Variants in MFAP3L observed in about 807,000 individuals in gnomAD.
MFAP3L encodes the protein microfibril associated protein 3 like.
MFAP3L carries 5 observed loss-of-function variants against 20.0 expected under a neutral mutation model. The observed-to-expected ratio is 0.25, with a 90% CI of 0.13 to 0.53. The LOEUF is 0.53. Among genes scored for constraint, MFAP3L ranks in the 20% least tolerant of loss-of-function variants. The pLI, the probability that MFAP3L is intolerant of heterozygous loss-of-function variation, is 0.96. For synonymous variants in MFAP3L, 219 were observed against 213.0 expected, an observed-to-expected ratio of 1.03 and a Z score of -0.25; for missense variants, 409 against 527.5, an observed-to-expected ratio of 0.78 and a Z score of 2.20.
At chr4:170,013,815 T>A (rs1739532632) in intron 1 of MFAP3L, among the ~76,000 whole-genome samples, 1 of 152,212 alleles carries the variant, frequency 6.6e-6, no homozygotes, top group African/African-American at 2.4e-5. Context: ...TAAGATAGCA[T>A]CTCACTGTTA....
chr4:170,023,618 CT>C, intron 1 of MFAP3L, among the ~76,000 whole-genome samples: 1 of 152,302 alleles, frequency 6.6e-6, no homozygotes, highest in South Asian at 2.1e-4. Flanking sequence ...TTTAAGTGTC[CT>C]CCTGGCCTTG....
chr4:170,012,987 G>A (rs1028098735), intron 1 of MFAP3L, among the ~76,000 whole-genome samples: 1 of 151,858 alleles, frequency 6.6e-6, no homozygotes, highest in Non-Finnish European at 1.5e-5. Flanking sequence ...CAGAAGGCAC[G>A]TACTTTTTCA....
At chr4:170,012,010 G>A (rs1247406237) in intron 1 of MFAP3L, among the ~76,000 whole-genome samples, 1 of 152,156 alleles carries the variant, frequency 6.6e-6, no homozygotes, top group African/African-American at 2.4e-5. Context: ...GAAGTAGGTT[G>A]GAAAGGCAGG....
chr4:170,007,550 T>C (rs1739124100), intron 1 of MFAP3L, among the ~76,000 whole-genome samples: 1 of 152,240 alleles, frequency 6.6e-6, no homozygotes, highest in Non-Finnish European at 1.5e-5. Context: ...GCTGCCTTGA[T>C]AAACAAGAAT....
chr4:170,022,079 T>C (rs938314515), intron 1 of MFAP3L, among the ~76,000 whole-genome samples: 2 of 152,228 alleles, frequency 1.3e-5, no homozygotes, highest in African/African-American at 4.8e-5. Context: ...GAACAGCTGA[T>C]TACTGTTAGA....
In MFAP3L at chr4:169,988,283, T is replaced by C. The variant is rs916678459; in HGVS notation, c.*3095A>G. 5 of 152,286 alleles carry C rather than the reference T, an allele frequency of 3.3e-5. No homozygotes were observed. In the South Asian group the frequency reaches 1.0e-3, roughly 32 times the overall value. 9.4% of individuals were successfully genotyped at this position (152,286 alleles called of 1,614,324 possible). A position where few individuals can be genotyped will look rare whatever the true frequency, so the allele number is the denominator to read the frequency against. On this transcript the variant is annotated 3_prime_UTR_variant, in exon 3 of 3. Coordinates refer to ENST00000361618, the MANE Select transcript of MFAP3L (RefSeq NM_021647.8). ...CAAAACCATTATAAATTACATAGAT[T>C]TTTCCATATAAAATTGTTTTCCCCA...
chr4:170,027,015 CCTGGTGA>C (rs1178405098), upstream of MFAP3L: 2 of 152,142 alleles, frequency 1.3e-5, no homozygotes, highest in African/African-American at 2.4e-5. Flanking sequence ...CGGGCCGTTC[CCTGGTGA>C]CTTTCTGAGT....
At chr4:169,993,282 C>T (rs1327611400) in intron 2 of MFAP3L, among the ~76,000 whole-genome samples, 1 of 152,202 alleles carries the variant, frequency 6.6e-6, no homozygotes, top group East Asian at 1.9e-4. Flanking sequence ...CTGGACTGTC[C>T]CATAGAGCAA....
At position 170,005,956 on chromosome 4, in the gene MFAP3L, C is replaced by T; in HGVS notation, c.-79G>A. 1 of 1,523,544 alleles carries T rather than the reference C, an allele frequency of 6.6e-7. No homozygotes were observed. The highest frequency in any genetic ancestry group is 8.8e-7 in the Non-Finnish European group (1 of 1,133,438). The allele number at this position is 1,523,544 out of a possible 1,614,324, so 94.4% of individuals were successfully genotyped here. On this transcript the variant is annotated 5_prime_UTR_variant, in exon 2 of 3. Coordinates refer to ENST00000361618, the MANE Select transcript of MFAP3L (RefSeq NM_021647.8). ...CTATCAGACAACACACTGTTCACAG[C>T]AGGTCATGGGACAAACCTGTCCTGG...
In MFAP3L at chr4:169,991,139, C is replaced by T. The variant is rs1737630595; in HGVS notation, c.*239G>A. ...GAGATCAGCCTCTGAAACTCATTAT[C>T]ACATAGACACCTTCTGTCTGGTATC... On this transcript the variant is annotated 3_prime_UTR_variant, in exon 3 of 3. Coordinates refer to ENST00000361618, the MANE Select transcript of MFAP3L (RefSeq NM_021647.8). The surrounding 1 kb of genome is among the most constrained non-coding windows in gnomAD (Gnocchi z 4.9). 1.8e-5 allele frequency: 10 copies of T among 543,928 alleles called. No individual in the cohort carries two copies. The South Asian group carries it at 2.7e-4, about 15-fold the overall frequency. The allele number at this position is 543,928 out of a possible 1,614,324, so 33.7% of individuals were successfully genotyped here. A position where few individuals can be genotyped will look rare whatever the true frequency, so the allele number is the denominator to read the frequency against.
At chr4:170,023,289 ACTC>A (rs10593462) in intron 1 of MFAP3L, among the ~76,000 whole-genome samples, 9,861 of 151,722 alleles carry the variant, frequency 0.065, 1,066 homozygotes, top group African/African-American at 0.22. Flanking sequence ...ACTTACTCTT[ACTC>A]ATTTTTGTGG....
chr4:170,022,938 C>G (rs1340471838), intron 1 of MFAP3L, among the ~76,000 whole-genome samples: 4 of 152,192 alleles, frequency 2.6e-5, no homozygotes, highest in African/African-American at 9.7e-5. Context: ...CCTGTATAAT[C>G]CTGAATAACC....
chr4:169,994,453 T>C (rs979333647), intron 2 of MFAP3L: 6 of 983,368 alleles, frequency 6.1e-6, no homozygotes, highest in South Asian at 9.4e-5. Flanking sequence ...TTAGTGATCA[T>C]TATGTTCTAA....
intron 1 of MFAP3L, among the ~76,000 whole-genome samples, chr4:170,007,283 C>T (rs1739099965): frequency 6.6e-6 from 1 of 152,198 alleles, no homozygotes; most frequent in African/African-American, 2.4e-5. Context: ...GGAGATAGCA[C>T]AGACTGCAAT....
intron 1 of MFAP3L, among the ~76,000 whole-genome samples, chr4:170,022,956 G>C (rs1292796979): frequency 1.3e-5 from 2 of 152,180 alleles, no homozygotes; most frequent in Non-Finnish European, 2.9e-5. Context: ...ACCTCCCCAT[G>C]GCAAGACCCT....
intron 1 of MFAP3L, among the ~76,000 whole-genome samples, chr4:170,007,432 C>T (rs183813433): frequency 2.7e-3 from 408 of 152,312 alleles, no homozygotes; most frequent in Non-Finnish European, 4.1e-3. Flanking sequence ...TTGAGAGAGA[C>T]CAGGCCAGGA....
In MFAP3L at chr4:169,991,071, G is replaced by GT; in HGVS notation, c.*306dup. 2.5e-6 allele frequency: 1 copy of GT among 402,372 alleles called. No homozygotes were observed. The highest frequency in any genetic ancestry group is 4.5e-6 in the Non-Finnish European group (1 of 224,580). 24.9% of individuals were successfully genotyped at this position (402,372 alleles called of 1,614,324 possible). ...TGAACTCAGAATATCTTACAGTGGT[G>GT]TACTCTTTGCCAAGAAGGCATCACC... On this transcript the variant is annotated 3_prime_UTR_variant, in exon 3 of 3. Transcript: ENST00000361618. This position sits in a 1 kb window ranked among gnomAD's most constrained non-coding sequence, Gnocchi z 4.9.
chr4:170,020,571 A>C (rs999431191), intron 1 of MFAP3L, among the ~76,000 whole-genome samples: 16 of 150,460 alleles, frequency 1.1e-4, no homozygotes, highest in Non-Finnish European at 2.2e-4. Flanking sequence ...GATTCTTCAC[A>C]GTCTGACTCC....
intron 2 of MFAP3L, among the ~76,000 whole-genome samples, chr4:170,002,699 A>G (rs1392624093): frequency 2.6e-5 from 4 of 151,894 alleles, no homozygotes; most frequent in Admixed American, 2.0e-4. Context: ...TAGCAGAGAC[A>G]GGGTTTCACC....
Sources: allele counts gnomAD v4.1 joint callset (sites outside exome capture counted in the v4.1 genomes callset), GRCh38; gene constraint gnomAD v4.1.1; non-coding constraint Gnocchi (gnomAD v3.1); transcripts MANE v1.5; gene names NCBI Gene and HGNC (gene_info 2026-07-23, HGNC 2026-07-21).